The following PIK3C2G variants were observed in gnomAD, a reference collection of about 807,000 sequenced individuals.
PIK3C2G encodes phosphatidylinositol-4-phosphate 3-kinase catalytic subunit type 2 gamma.
Under a neutral mutation model 181.1 loss-of-function variants are expected in PIK3C2G, and 168 were observed. That is an observed-to-expected ratio of 0.93 (90% CI 0.82 to 1.05). The LOEUF (loss-of-function observed/expected upper bound fraction) is 1.05, where lower values mean the gene tolerates loss of function less well. Among genes scored for constraint, PIK3C2G ranks in the 50% least tolerant of loss-of-function variants. The pLI is 0.00. For synonymous variants in PIK3C2G, 573 were observed against 592.2 expected (o/e 0.97, Z 0.47); for missense variants, 1,869 against 1,732.8 (o/e 1.08, Z -1.40).
In PIK3C2G at chr12:18,645,922, T is replaced by A. The variant is rs368293213; in HGVS notation, c.4309-1954T>A. Among the ~76,000 whole-genome samples the A allele has an allele frequency of 2.0e-5, 3 of 152,178 alleles. No homozygotes were observed. The East Asian group carries it at 5.8e-4, about 29-fold the overall frequency. ...GTCACACTTTGAGGGTTCCTTTCTG[T>A]TTTCTCTGTAAAATAAGAGAGGAGT... On this transcript the variant is annotated intron_variant, in intron 32 of 32. Coordinates refer to ENST00000538779, the MANE Select transcript of PIK3C2G (RefSeq NM_001288772.2).
intron 23 of PIK3C2G, among the ~76,000 whole-genome samples, chr12:18,504,626 G>T (rs1169090977): frequency 6.6e-6 from 1 of 152,132 alleles, no homozygotes; most frequent in Non-Finnish European, 1.5e-5. Flanking sequence ...TTGATGAAAT[G>T]ATGTATACCC....
At position 18,423,957 on chromosome 12, in the gene PIK3C2G, G is replaced by C; in HGVS notation, c.2422G>C (p.Glu808Gln). Residue 808 changes from glutamate to glutamine, a missense_variant, in exon 18 of 33, where the codon GAA (glutamate) becomes CAA (glutamine). Coordinates refer to ENST00000538779, the MANE Select transcript of PIK3C2G (RefSeq NM_001288772.2). ...TCTCTTACTTCAGGCTGTCAAGTTT[G>C]AATGGAACCTTGAGAGTCCTTTAGT... Reference protein sequence around the residue: ...LPQLVQAVKFEWNLESPLVQL... With the variant: ...LPQLVQAVKFQWNLESPLVQL... The C allele has an allele frequency of 6.2e-7, 1 of 1,607,430 alleles. No homozygotes were observed. The highest frequency in any genetic ancestry group is 8.5e-7 in the Non-Finnish European group (1 of 1,175,438).
intron 1 of PIK3C2G, among the ~76,000 whole-genome samples, chr12:18,253,367 TA>T (rs1334314816): frequency 6.6e-6 from 1 of 152,116 alleles, no homozygotes; most frequent in Non-Finnish European, 1.5e-5. Context: ...TCAAGACCTA[TA>T]GACAGTTGTT....
rs559977999 is a variant in PIK3C2G, at chr12:18,351,860, C to T, written c.1625+5024C>T. On this transcript the variant is annotated intron_variant, in intron 11 of 32. Transcript: ENST00000538779. ...TGTTGTGAGGCATTATTGACAACCA[C>T]CTACAGTCTTCAAGACAGTAACATA... Among the ~76,000 whole-genome samples, 391 of 152,282 alleles carry T rather than the reference C, an allele frequency of 2.6e-3. 2 individuals carry two copies. Among genetic ancestry groups the T allele is most frequent in the Non-Finnish European group, 3.8e-3 (260 of 68,026 alleles).
chr12:18,396,291 G>A (rs1469749280), intron 15 of PIK3C2G, among the ~76,000 whole-genome samples: 3 of 151,154 alleles, frequency 2.0e-5, no homozygotes, highest in Admixed American at 6.6e-5. Context: ...CTAGATCTAG[G>A]AAAAAAAGTG....
At chr12:18,661,449 A>G in the PIK3C2G span, among the ~76,000 whole-genome samples, 1 of 152,182 alleles carries the variant, frequency 6.6e-6, no homozygotes, top group Non-Finnish European at 1.5e-5. Context: ...TCGTAGGATT[A>G]TATATTTAAA....
intron 27 of PIK3C2G, 97 bp downstream of exon 27, chr12:18,562,989 T>G (rs1201987238): frequency 3.9e-6 from 3 of 773,342 alleles, no homozygotes; most frequent in Non-Finnish European, 6.2e-6. Context: ...AGCATAATTT[T>G]TTACTAAGCA....
chr12:18,587,757 C>A (rs547222556), intron 29 of PIK3C2G, among the ~76,000 whole-genome samples: 35 of 145,596 alleles, frequency 2.4e-4, no homozygotes, highest in African/African-American at 9.2e-4. Context: ...CCAAACAAAA[C>A]AAAACAAAAC....
chr12:18,300,681 C>A (rs547593392), intron 5 of PIK3C2G, among the ~76,000 whole-genome samples: 3 of 152,062 alleles, frequency 2.0e-5, no homozygotes, highest in African/African-American at 7.2e-5. Context: ...TTATGTATAT[C>A]TTTTGTTCCT....
intron 24 of PIK3C2G, among the ~76,000 whole-genome samples, chr12:18,534,288 C>T (rs966678004): frequency 6.6e-6 from 1 of 151,922 alleles, no homozygotes; most frequent in Non-Finnish European, 1.5e-5. Flanking sequence ...TATTTGTCTG[C>T]TTAATAATTA....
intron 8 of PIK3C2G, among the ~76,000 whole-genome samples, chr12:18,327,356 G>A (rs934684831): frequency 5.3e-5 from 8 of 151,882 alleles, no homozygotes; most frequent in African/African-American, 1.9e-4. Flanking sequence ...GTGTCAATTG[G>A]AAAAATAATG....
At chr12:18,476,757 G>A (rs534297214) in intron 18 of PIK3C2G, among the ~76,000 whole-genome samples, 2 of 152,076 alleles carry the variant, frequency 1.3e-5, no homozygotes, top group East Asian at 1.9e-4. Flanking sequence ...AAGTAATTCA[G>A]GTGAAGAAGC....
chr12:18,572,350 T>C (rs1945992866), intron 29 of PIK3C2G, among the ~76,000 whole-genome samples: 1 of 147,732 alleles, frequency 6.8e-6, no homozygotes, highest in Non-Finnish European at 1.5e-5. Flanking sequence ...ATATAAAATA[T>C]ATATAAAGCG....
intron 5 of PIK3C2G, among the ~76,000 whole-genome samples, chr12:18,295,470 C>T (rs1039191254): frequency 6.6e-6 from 1 of 151,870 alleles, no homozygotes; most frequent in East Asian, 1.9e-4. Flanking sequence ...AAATGCCATC[C>T]AGAAAGCAAT....
intron 14 of PIK3C2G, among the ~76,000 whole-genome samples, chr12:18,385,343 T>C (rs1565662136): frequency 6.6e-6 from 1 of 152,126 alleles, no homozygotes; most frequent in Non-Finnish European, 1.5e-5. Context: ...CTATGGTTGA[T>C]TGATGTGCCG....
the PIK3C2G span, among the ~76,000 whole-genome samples, chr12:18,698,183 C>A: frequency 6.6e-6 from 1 of 151,990 alleles, no homozygotes; most frequent in Non-Finnish European, 1.5e-5. Flanking sequence ...AACTCACATG[C>A]ACGATGCACA....
the PIK3C2G span, among the ~76,000 whole-genome samples, chr12:18,700,668 C>T: frequency 6.6e-6 from 1 of 152,068 alleles, no homozygotes; most frequent in South Asian, 2.1e-4. Flanking sequence ...TGAAGTTCTG[C>T]TGACTTTATG....
At chr12:18,676,153 A>T in the PIK3C2G span, among the ~76,000 whole-genome samples, 4 of 152,156 alleles carry the variant, frequency 2.6e-5, no homozygotes, top group African/African-American at 7.2e-5. Context: ...AGACAGCTAG[A>T]AAATGGACCC....
At chr12:18,705,603 CA>C in the PIK3C2G span, among the ~76,000 whole-genome samples, 2 of 152,048 alleles carry the variant, frequency 1.3e-5, no homozygotes, top group Non-Finnish European at 2.9e-5. Flanking sequence ...CAGTGGCTCA[CA>C]ACTGTAATCC....
Sources: allele counts gnomAD v4.1 joint callset (sites outside exome capture counted in the v4.1 genomes callset), GRCh38; gene constraint gnomAD v4.1.1; transcripts MANE v1.5; gene names NCBI Gene and HGNC (gene_info 2026-07-23, HGNC 2026-07-21).